Variants in STAG1 observed in about 807,000 individuals in gnomAD.
STAG1 encodes the protein STAG1 cohesin complex component.
Under a neutral mutation model 170.9 loss-of-function variants are expected in STAG1, and 26 were observed. The ratio of observed to expected loss-of-function variants is 0.15; its 90% CI spans 0.11 to 0.21. The LOEUF is 0.21. STAG1 is among the 10% of genes least tolerant of loss of function. The pLI, the probability that STAG1 is intolerant of heterozygous loss-of-function variation, is 1.00. For missense variants in STAG1, 964 were observed against 1,509.5 expected, an observed-to-expected ratio of 0.64 and a Z score of 5.99; for synonymous variants, 514 against 497.7, an observed-to-expected ratio of 1.03 and a Z score of -0.44.
chr3:136,392,982 T>A (rs2087052999), intron 22 of STAG1, among the ~76,000 whole-genome samples: 1 of 152,132 alleles, frequency 6.6e-6, no homozygotes, highest in Non-Finnish European at 1.5e-5. Context: ...AATAAAAATA[T>A]GTGACCTCTT....
rs2087646808 is a variant in STAG1 at position 136,412,316 on chromosome 3, T to C, written c.2196+5569A>G. Among the ~76,000 whole-genome samples the C allele has an allele frequency of 3.9e-5, 6 of 152,180 alleles. No homozygotes were observed. In the South Asian group the frequency reaches 1.2e-3, roughly 32 times the overall value. Reference sequence around the variant, plus strand: ...AAGAAATACAAAATAAACGACAGAGTTAGAAAATCATCATTTTAGTCACTA... The same window carrying C: ...AAGAAATACAAAATAAACGACAGAGCTAGAAAATCATCATTTTAGTCACTA... On this transcript the variant is annotated intron_variant, in intron 21 of 33. Transcript: ENST00000383202.
At chr3:136,633,311 A>T (rs1035502086) in intron 1 of STAG1, among the ~76,000 whole-genome samples, 1 of 152,248 alleles carries the variant, frequency 6.6e-6, no homozygotes, top group South Asian at 2.1e-4. Context: ...AAAAAGAACT[A>T]TATAACCAGT....
intron 3 of STAG1, among the ~76,000 whole-genome samples, chr3:136,607,243 A>G (rs182172031): frequency 1.3e-5 from 2 of 152,278 alleles, no homozygotes; most frequent in Admixed American, 6.6e-5. Context: ...AAGGGGTAGG[A>G]AGTTCCACTC....
chr3:136,513,257 A>G (rs1934167863), intron 7 of STAG1, among the ~76,000 whole-genome samples: 1 of 152,030 alleles, frequency 6.6e-6, no homozygotes, highest in East Asian at 1.9e-4. Flanking sequence ...CAGGAGGCTG[A>G]GGTCGGAGAG....
In STAG1 at chr3:136,477,422, G is replaced by GA. The variant is rs760695788; in HGVS notation, c.903-11dup. 73 of 1,577,470 alleles carry GA rather than the reference G, an allele frequency of 4.6e-5. No homozygotes were observed. The highest frequency in any genetic ancestry group is 2.1e-4 in the South Asian group (18 of 84,510). ...CTCAGCAATAGCATCACTAGAGAGA[G>GA]AAAAAAAAGACAATCTCAAATTAAT... On this transcript the variant is annotated splice_polypyrimidine_tract_variant and intron_variant, in intron 9 of 33. Transcript: ENST00000383202.
chr3:136,528,644 A>C (rs534337678), intron 6 of STAG1, among the ~76,000 whole-genome samples: 9 of 152,214 alleles, frequency 5.9e-5, no homozygotes, highest in Non-Finnish European at 1.3e-4. Context: ...TTACCAAAGA[A>C]ATAGATATCA....
At chr3:136,542,471 T>A (rs1282899122) in intron 5 of STAG1, among the ~76,000 whole-genome samples, 1 of 152,090 alleles carries the variant, frequency 6.6e-6, no homozygotes, top group Non-Finnish European at 1.5e-5. Context: ...TTCTAGATAG[T>A]TTAAATTACG....
At chr3:136,732,585 A>G (rs376185882) in intron 1 of STAG1, among the ~76,000 whole-genome samples, 54 of 152,296 alleles carry the variant, frequency 3.5e-4, no homozygotes, top group African/African-American at 1.2e-3. Flanking sequence ...TAACCAGAGT[A>G]CCTTATCATC....
At chr3:136,541,556 A>ACT (rs1559869132) in intron 6 of STAG1, among the ~76,000 whole-genome samples, 8 of 110,602 alleles carry the variant, frequency 7.2e-5, no homozygotes, top group Non-Finnish European at 1.4e-4. Flanking sequence ...ACACACACAC[A>ACT]CACACACACA....
chr3:136,527,254 C>T lies in STAG1; in HGVS notation c.472-5837G>A, dbSNP rs554124407. Among the ~76,000 whole-genome samples, 970 of 152,252 alleles carry T rather than the reference C, an allele frequency of 6.4e-3. 7 individuals are homozygous for T. The highest frequency in any genetic ancestry group is 9.5e-3 in the Non-Finnish European group (647 of 68,016). ...CCAATCAGATGTAGATTTGGTCTTT[C>T]ACCATAGTCCCATATTTCTTGGAGG... On this transcript the variant is annotated intron_variant, in intron 6 of 33. Coordinates refer to ENST00000383202, the MANE Select transcript of STAG1 (RefSeq NM_005862.3).
At chr3:136,424,302 G>A (rs2088047702) in intron 16 of STAG1, among the ~76,000 whole-genome samples, 9 of 150,170 alleles carry the variant, frequency 6.0e-5, no homozygotes, top group Admixed American at 6.0e-4. Flanking sequence ...TGATTTTAGG[G>A]AAATGGCTAT....
At chr3:136,619,398 T>C (rs922114345) in intron 3 of STAG1, among the ~76,000 whole-genome samples, 3 of 151,024 alleles carry the variant, frequency 2.0e-5, no homozygotes, top group African/African-American at 7.3e-5. Context: ...GTAAAATGTA[T>C]GTTACGTTAG....
chr3:136,561,170 T>G (rs553682894), intron 5 of STAG1, among the ~76,000 whole-genome samples: 1 of 152,176 alleles, frequency 6.6e-6, no homozygotes, highest in African/African-American at 2.4e-5. Flanking sequence ...ACAAAAAAAT[T>G]TCCCCCACTT....
At chr3:136,477,446 A>C in intron 9 of STAG1, 34 bp from the exon 10 acceptor site, 1 of 1,568,962 alleles carries the variant, frequency 6.4e-7, no homozygotes, top group Non-Finnish European at 8.6e-7. Flanking sequence ...TCTCAAATTA[A>C]TATACAAAGC....
chr3:136,471,703 T>C lies in STAG1; in HGVS notation c.1205+710A>G, dbSNP rs1016767372. Reference sequence around the variant, plus strand: ...TAGAAATACAGCTATAACATTATTATTTTGAAATCTCTATCATTAGTGAGA... The same window carrying C: ...TAGAAATACAGCTATAACATTATTACTTTGAAATCTCTATCATTAGTGAGA... On this transcript the variant is annotated intron_variant, in intron 12 of 33. Coordinates refer to ENST00000383202, the MANE Select transcript of STAG1 (RefSeq NM_005862.3). Among the ~76,000 whole-genome samples, 6 of 152,216 alleles carry C rather than the reference T, an allele frequency of 3.9e-5. No individual in the cohort carries two copies. The East Asian group carries it at 7.7e-4, about 20-fold the overall frequency.
At chr3:136,573,338 G>A (rs1937337291) in intron 4 of STAG1, among the ~76,000 whole-genome samples, 1 of 152,100 alleles carries the variant, frequency 6.6e-6, no homozygotes, top group Non-Finnish European at 1.5e-5. Flanking sequence ...AGGGGACCAT[G>A]ACTAAGTTAA....
At chr3:136,463,445 T>G (rs1213746248) in intron 13 of STAG1, among the ~76,000 whole-genome samples, 1 of 152,162 alleles carries the variant, frequency 6.6e-6, no homozygotes, top group Non-Finnish European at 1.5e-5. Flanking sequence ...AAGAAGAAGT[T>G]AGAATACATA....
intron 6 of STAG1, among the ~76,000 whole-genome samples, chr3:136,529,600 C>G (rs151054661): frequency 5.9e-5 from 9 of 152,180 alleles, no homozygotes; most frequent in Admixed American, 2.0e-4. Context: ...CAAGCAAAAG[C>G]TAAGGAAATC....
At chr3:136,640,811 T>C (rs1202665840) in intron 1 of STAG1, among the ~76,000 whole-genome samples, 1 of 150,970 alleles carries the variant, frequency 6.6e-6, no homozygotes, top group Non-Finnish European at 1.5e-5. Context: ...TAGTTGGGAT[T>C]ACAGGCGCCC....
Sources: gnomAD v4.1 joint callset for allele counts (sites outside exome capture counted in the v4.1 genomes callset) on GRCh38, gnomAD v4.1.1 for gene constraint, MANE v1.5 for transcripts, NCBI Gene and HGNC (gene_info 2026-07-23, HGNC 2026-07-21) for gene names.